MMS19: variants seen among roughly 807,000 people sequenced by gnomAD.
MMS19 encodes MMS19 cytosolic iron-sulfur assembly component, also known as MMS19 nucleotide excision repair protein homolog.
Under a neutral mutation model 129.8 loss-of-function variants are expected in MMS19, and 77 were observed. The observed-to-expected ratio is 0.59, with a 90% CI of 0.49 to 0.72. MMS19 has a LOEUF of 0.72. Ranked by LOEUF, MMS19 falls within the 30% of genes least tolerant of loss-of-function variation. The pLI is 0.00. For synonymous variants in MMS19, 491 were observed against 502.8 expected, an observed-to-expected ratio of 0.98 and a Z score of 0.31; for missense variants, 1,168 against 1,266.3, an observed-to-expected ratio of 0.92 and a Z score of 1.18.
intron 11 of MMS19, 102 bp downstream of exon 11, chr10:97,469,544 T>C (rs767031503): frequency 1.2e-4 from 109 of 910,442 alleles, no homozygotes; most frequent in Middle Eastern, 2.2e-4. Flanking sequence ...CATTATATCT[T>C]GGCCCTGGGG....
chr10:97,462,666 A>T lies in MMS19; in HGVS notation c.1929T>A (p.Val643=). The change falls in exon 20 of 31, where the codon GTT becomes GTA. Residue 643 remains valine, a synonymous_variant. Transcript: ENST00000438925. ...QASMPEKEPS[V]LRKVLLEDEV... ...CATCCTCCAATAGTACTTTTCTCAG[A>T]ACTGAGGGCTCCTTCTCTGCAAAAC... 3 of 1,613,766 alleles carry T rather than the reference A, an allele frequency of 1.9e-6. No individual in the cohort carries two copies. The highest frequency in any genetic ancestry group is 2.5e-6 in the Non-Finnish European group (3 of 1,179,750).
intron 2 of MMS19, 24 bp downstream of exon 2, chr10:97,484,079 A>T: frequency 6.7e-7 from 1 of 1,492,704 alleles, no homozygotes; most frequent in Non-Finnish European, 9.1e-7. Context: ...TTGGAGAAGA[A>T]CATTCTATAG....
chr10:97,497,424 T>G (rs1589848233), intron 1 of MMS19, among the ~76,000 whole-genome samples: 1 of 152,164 alleles, frequency 6.6e-6, no homozygotes, highest in East Asian at 1.9e-4. Context: ...ATACGAAATT[T>G]CCAAAGTTTT....
chr10:97,477,518 A>T, intron 5 of MMS19, 102 bp from the exon 6 acceptor site: 4 of 1,471,982 alleles, frequency 2.7e-6, no homozygotes, highest in Non-Finnish European at 3.8e-6. Flanking sequence ...AGTGCTCTTT[A>T]TACCAGCATA....
At chr10:97,467,137 C>T (rs2033673227) in intron 14 of MMS19, among the ~76,000 whole-genome samples, 1 of 152,140 alleles carries the variant, frequency 6.6e-6, no homozygotes, top group South Asian at 2.1e-4. Flanking sequence ...TGCCAACAGG[C>T]CTGGCTAATT....
chr10:97,483,982 G>C (rs2037350900), intron 2 of MMS19, 121 bp downstream of exon 2: 1 of 653,826 alleles, frequency 1.5e-6, no homozygotes, highest in African/African-American at 1.8e-5. Flanking sequence ...TACTAATATG[G>C]AAGGGGGCTG....
intron 11 of MMS19, among the ~76,000 whole-genome samples, 200 bp from the exon 12 acceptor site, chr10:97,469,304 C>G (rs2034194860): frequency 6.6e-6 from 1 of 152,238 alleles, no homozygotes; most frequent in South Asian, 2.1e-4. Flanking sequence ...GAGACACATA[C>G]TTTCTGAGAA....
chr10:97,477,511 G>A (rs2035978224), intron 5 of MMS19, 95 bp from the exon 6 acceptor site: 1 of 1,510,154 alleles, frequency 6.6e-7, no homozygotes, highest in Non-Finnish European at 9.2e-7. Flanking sequence ...AGTGAACAGT[G>A]CTCTTTATAC....
chr10:97,467,773 C>T (rs1437712642), intron 13 of MMS19, among the ~76,000 whole-genome samples, 190 bp from the exon 14 acceptor site: 1 of 152,016 alleles, frequency 6.6e-6, no homozygotes, highest in African/African-American at 2.4e-5. Flanking sequence ...AAGTGATTCT[C>T]TCGCCTCAGC....
In MMS19 at chr10:97,468,237, A is replaced by G; in HGVS notation, c.1218+15T>C. Reference sequence around the variant, plus strand: ...ACAGGTCCCATCATTTCCCCCAAAGATTCTGCTCCCTTACCTGACTGTGCT... The same window carrying G: ...ACAGGTCCCATCATTTCCCCCAAAGGTTCTGCTCCCTTACCTGACTGTGCT... On this transcript the variant is annotated intron_variant, in intron 13 of 30. Transcript: ENST00000438925. 1 of 1,534,464 alleles carries G rather than the reference A, an allele frequency of 6.5e-7. No homozygotes were observed. The highest frequency in any genetic ancestry group is 8.8e-7 in the Non-Finnish European group (1 of 1,133,604).
At position 97,463,910 on chromosome 10, in the gene MMS19, G is replaced by T; in HGVS notation, c.1860C>A (p.His620Gln). ...QQDPESCWYF[H>Q]QTAIPCLLAL... Reference sequence around the variant, plus strand: ...CAAGCAGGCAAGGTATAGCTGTCTGGTGGAAATACCAGCAACTCTCAGGGT... The same window carrying T: ...CAAGCAGGCAAGGTATAGCTGTCTGTTGGAAATACCAGCAACTCTCAGGGT... The change falls in exon 19 of 31, where the codon CAC becomes CAA. Residue 620 changes from histidine (H) to glutamine (Q), a missense_variant. Around this residue, in one of 3 missense-constraint regions of MMS19, gnomAD observed 831 missense variants for 910.8 expected, o/e 0.91. Transcript: ENST00000438925. 3.1e-6 allele frequency: 5 copies of T among 1,612,612 alleles called. No individual in the cohort carries two copies. Among genetic ancestry groups the T allele is most frequent in the Non-Finnish European group, 4.2e-6 (5 of 1,179,280 alleles).
At position 97,478,403 on chromosome 10, in the gene MMS19, A is replaced by G. The variant is rs779044346; in HGVS notation, c.263-14T>C. 3.8e-6 allele frequency: 6 copies of G among 1,592,380 alleles called. No homozygotes were observed. Among genetic ancestry groups the G allele is most frequent in the East Asian group, 2.3e-5 (1 of 44,278 alleles). ...TCAGGTGTACCACTGCACAAACCAG[A>G]TTCAGCCATTAGTTGACATAGGCAC... is the stretch of plus-strand genomic sequence containing the variant. On this transcript the variant is annotated splice_polypyrimidine_tract_variant and intron_variant, in intron 3 of 30. Coordinates refer to ENST00000438925, the MANE Select transcript of MMS19 (RefSeq NM_022362.5).
rs372673030 is a variant in MMS19 at position 97,465,949 on chromosome 10, A to T, written c.1612T>A (p.Ser538Thr). The T allele has an allele frequency of 6.2e-7, 1 of 1,613,224 alleles. No individual in the cohort carries two copies. The highest frequency in any genetic ancestry group is 1.3e-5 in the African/African-American group (1 of 74,876). The change falls in exon 18 of 31, where the codon TCA becomes ACA. Residue 538 changes from serine to threonine, a missense_variant. This residue lies in a region of MMS19 where 831 missense variants were observed against 910.8 expected (regional missense o/e 0.91). Transcript: ENST00000438925. ...GGCTCATCTCCGTTAGTCAAATTTG[A>T]CTCCCCTGAAAGCAACCCATGAGAC... The part of the protein sequence containing the change: ...KLAEELRVGE[S>T]NLTNGDEPTQ...
chr10:97,483,202 G>A (rs1321122219), intron 2 of MMS19, among the ~76,000 whole-genome samples: 1 of 152,126 alleles, frequency 6.6e-6, no homozygotes, highest in African/African-American at 2.4e-5. Context: ...ACAGGCGCAT[G>A]CCACCACGCC....
chr10:97,469,366 G>T (rs1045590172), intron 11 of MMS19, among the ~76,000 whole-genome samples: 1 of 152,124 alleles, frequency 6.6e-6, no homozygotes. Context: ...ATTCACCATG[G>T]TGCCAAAGGC....
At chr10:97,494,325 C>T (rs2039437001) in intron 1 of MMS19, among the ~76,000 whole-genome samples, 1 of 152,160 alleles carries the variant, frequency 6.6e-6, no homozygotes, top group Non-Finnish European at 1.5e-5. Context: ...TTCATGTGAT[C>T]ATTGACACAG....
At chr10:97,476,778 T>C in intron 7 of MMS19, 34 bp from the exon 8 acceptor site, 1 of 1,613,836 alleles carries the variant, frequency 6.2e-7, no homozygotes, top group Non-Finnish European at 8.5e-7. Flanking sequence ...GGTTGGTTTA[T>C]CAGCTTCACT....
intron 1 of MMS19, among the ~76,000 whole-genome samples, chr10:97,495,443 T>G (rs528718743): frequency 6.6e-6 from 1 of 152,238 alleles, no homozygotes; most frequent in Non-Finnish European, 1.5e-5. Context: ...GCTGCTACTC[T>G]GAGTGACTGA....
At chr10:97,463,827 C>T in intron 19 of MMS19, 31 bp downstream of exon 19, 1 of 1,597,266 alleles carries the variant, frequency 6.3e-7, no homozygotes, top group Non-Finnish European at 8.5e-7. Flanking sequence ...GCAAAGTTCC[C>T]AAAGGCCAGG....
Sources: allele counts gnomAD v4.1 joint callset (sites outside exome capture counted in the v4.1 genomes callset), GRCh38; gene constraint gnomAD v4.1.1; regional missense constraint gnomAD v4.1.1; transcripts MANE v1.5; gene names NCBI Gene and HGNC (gene_info 2026-07-23, HGNC 2026-07-21).